GGA1: variants seen among roughly 807,000 people sequenced by gnomAD.
The protein encoded by GGA1 is ADP-ribosylation factor-binding protein GGA1.
In GGA1, 18 loss-of-function variants were observed where a neutral mutation model predicts 76.9. The observed-to-expected ratio is 0.23, with a 90% CI of 0.16 to 0.35. The LOEUF (loss-of-function observed/expected upper bound fraction) is 0.35. GGA1 is among the 10% of genes least tolerant of loss of function. The pLI is 1.00. For synonymous variants in GGA1, 342 were observed against 354.7 expected (o/e 0.96, Z 0.40); for missense variants, 755 against 859.0 (o/e 0.88, Z 1.51).
At chr22:37,619,581 T>C (rs1402503575) in intron 4 of GGA1, among the ~76,000 whole-genome samples, 1 of 152,056 alleles carries the variant, frequency 6.6e-6, no homozygotes, top group Non-Finnish European at 1.5e-5. Context: ...TTTCACCATA[T>C]TGGTCAGGCT....
intron 11 of GGA1, chr22:37,626,789 A>C (rs577638372): frequency 1.2e-4 from 18 of 152,344 alleles, no homozygotes; most frequent in African/African-American, 4.1e-4. Flanking sequence ...GGTGCCCACT[A>C]CTGCACTCTG....
At position 37,623,662 on chromosome 22, in the gene GGA1, G is replaced by T. The variant is rs1480926745; in HGVS notation, c.832+29G>T. 2.8e-6 allele frequency: 4 copies of T among 1,451,448 alleles called. No homozygotes were observed. The highest frequency in any genetic ancestry group is 2.4e-5 in the East Asian group (1 of 40,948). The allele number at this position is 1,451,448 out of a possible 1,614,324, so 89.9% of individuals were successfully genotyped here. A position where few individuals can be genotyped will look rare whatever the true frequency, so the allele number is the denominator to read the frequency against. On this transcript the variant is annotated intron_variant, in intron 9 of 16. Coordinates refer to ENST00000343632, the MANE Select transcript of GGA1 (RefSeq NM_013365.5). This position sits in a 1 kb window ranked among gnomAD's most constrained non-coding sequence, Gnocchi z 4.6. ...AGCCCAGGGCAGGTGCTGAGGTCAG[G>T]TCCCCCCCTCTCCCTCCACCTCCTG...
At chr22:37,617,615 C>A in intron 3 of GGA1, 1 of 846,366 alleles carries the variant, frequency 1.2e-6, no homozygotes. Flanking sequence ...AGGAGGCTTG[C>A]TTGAGGCAAG....
chr22:37,632,272 G>A lies in GGA1; in HGVS notation c.1698+107G>A, dbSNP rs921067362. ...GGGGCAGGTCTCCCTCCCTTGCTGG[G>A]TGGTTGGTGTAGAAGGGACCAGAAG... On this transcript the variant is annotated intron_variant, in intron 15 of 16. Coordinates refer to ENST00000343632, the MANE Select transcript of GGA1 (RefSeq NM_013365.5). The surrounding 1 kb of genome is among the most constrained non-coding windows in gnomAD (Gnocchi z 5.1). 1.7e-5 allele frequency: 23 copies of A among 1,333,088 alleles called. No individual in the cohort carries two copies. Among genetic ancestry groups the A allele is most frequent in the Non-Finnish European group, 2.4e-5 (23 of 943,720 alleles). 82.6% of individuals were successfully genotyped at this position (1,333,088 alleles called of 1,614,324 possible).
At position 37,620,191 on chromosome 22, in the gene GGA1, G is replaced by A. The variant is rs1360512622; in HGVS notation, c.304-47G>A. 5 of 1,609,398 alleles carry A rather than the reference G, an allele frequency of 3.1e-6. 1 individual carries two copies. The African/African-American group carries it at 4.0e-5, about 13-fold the overall frequency. On this transcript the variant is annotated intron_variant, in intron 4 of 16. Transcript: ENST00000343632. ...TGTGGACAGGGCTTGAGACTGAAGT[G>A]AGTGGGGCTGGGCAGTATCAAAGGC...
intron 1 of GGA1, 47 bp from the exon 2 acceptor site, chr22:37,614,143 A>G (rs890616322): frequency 6.3e-6 from 8 of 1,275,690 alleles, no homozygotes; most frequent in Admixed American, 3.4e-5. Context: ...GTGGAAGAGC[A>G]GGAATCCCAC....
intron 14 of GGA1, 29 bp downstream of exon 14, chr22:37,631,128 G>A: frequency 6.7e-7 from 1 of 1,495,756 alleles, no homozygotes; most frequent in South Asian, 1.3e-5. Flanking sequence ...GGTGCAGGCT[G>A]GGTTGGGTCA....
Position 37,623,533 on chromosome 22 carries a change from C to T in GGA1, c.751-19C>T. On this transcript the variant is annotated intron_variant, in intron 8 of 16. Coordinates refer to ENST00000343632, the MANE Select transcript of GGA1 (RefSeq NM_013365.5). The surrounding 1 kb of genome is among the most constrained non-coding windows in gnomAD (Gnocchi z 4.6). ...CACAGCCCACGCGGACCCTGACCCG[C>T]CCATCCTGCTGCCCTCAGGAACTGT... The T allele has an allele frequency of 6.2e-7, 1 of 1,612,878 alleles. No individual in the cohort carries two copies. The highest frequency in any genetic ancestry group is 1.1e-5 in the South Asian group (1 of 91,042).
chr22:37,625,829 C>T lies in GGA1; in HGVS notation c.973C>T (p.Leu325=). The part of the protein sequence containing the change: ...STSALLDLSG[L]DLPPAGTTYP... ...CTCGGCCCTGCTGGATCTCTCAGGCCTGGATCTCCCGCCTGCGGGCACCAC... is the reference window on the plus strand; with the variant it reads ...CTCGGCCCTGCTGGATCTCTCAGGCTTGGATCTCCCGCCTGCGGGCACCAC... Residue 325 remains leucine, a synonymous_variant, in exon 11 of 17, where the codon CTG becomes TTG. Coordinates refer to ENST00000343632, the MANE Select transcript of GGA1 (RefSeq NM_013365.5). This position sits in a 1 kb window ranked among gnomAD's most constrained non-coding sequence, Gnocchi z 4.1. 1 of 1,609,730 alleles carries T rather than the reference C, an allele frequency of 6.2e-7. No individual in the cohort carries two copies. The highest frequency in any genetic ancestry group is 1.7e-5 in the Admixed American group (1 of 59,812).
Position 37,631,071 on chromosome 22 carries a change from C to G in GGA1, c.1500C>G (p.Ile500Met). 1 of 1,602,816 alleles carries G rather than the reference C, an allele frequency of 6.2e-7. No homozygotes were observed. Residue 500 changes from isoleucine (I) to methionine (M), a missense_variant, in exon 14 of 17, where the codon ATC becomes ATG. Physicochemically the swap from Ile to Met is conservative, Grantham distance 10 (BLOSUM62 1). Coordinates refer to ENST00000343632, the MANE Select transcript of GGA1 (RefSeq NM_013365.5). ...CAACCGAGCTCTCACTGGCCAGCAT[C>G]ACTGTGCCCCTGGAGTCCATCAAAC... ...PVPTELSLAS[I>M]TVPLESIKPS... is the part of the protein sequence containing the mutation.
At chr22:37,616,393 T>C (rs1019784842) in intron 2 of GGA1, among the ~76,000 whole-genome samples, 8 of 152,166 alleles carry the variant, frequency 5.3e-5, no homozygotes, top group Non-Finnish European at 1.0e-4. Context: ...GTGAGCCTCC[T>C]CACACATGAC....
chr22:37,618,311 A>G (rs1929198375), intron 3 of GGA1, 137 bp from the exon 4 acceptor site: 1 of 611,306 alleles, frequency 1.6e-6, no homozygotes, highest in Non-Finnish European at 3.0e-6. Context: ...GTGACTCTGA[A>G]TCTTCCAACC....
rs369176168 is a variant in GGA1 at position 37,630,000 on chromosome 22, G to A, written c.1161G>A (p.Ser387=). Residue 387 remains serine (S), a splice_region_variant and synonymous_variant, in exon 13 of 17, where the codon TCG becomes TCA. Coordinates refer to ENST00000343632, the MANE Select transcript of GGA1 (RefSeq NM_013365.5). ...CACCTGCATCCTTTTCCCCACAGTCGTCGGATGCCACTGAGCCCCCAGCCC... is the reference window on the plus strand; with the variant it reads ...CACCTGCATCCTTTTCCCCACAGTCATCGGATGCCACTGAGCCCCCAGCCC... The part of the protein sequence containing the change: ...LDGTGWNSFQ[S]SDATEPPAPA... The A allele has an allele frequency of 9.8e-5, 152 of 1,550,416 alleles. No homozygotes were observed. Among genetic ancestry groups the A allele is most frequent in the Non-Finnish European group, 1.2e-4 (136 of 1,146,400 alleles).
intron 3 of GGA1, chr22:37,617,443 G>A (rs765176271): frequency 2.3e-5 from 24 of 1,025,342 alleles, no homozygotes; most frequent in Non-Finnish European, 2.0e-5. Context: ...GGAGAGAGGG[G>A]TGTACTGTCT....
At chr22:37,620,055 T>A (rs561280659) in intron 4 of GGA1, 183 bp from the exon 5 acceptor site, 4 of 667,498 alleles carry the variant, frequency 6.0e-6, no homozygotes, top group Non-Finnish European at 1.1e-5. Flanking sequence ...ACCCAGCTAA[T>A]AAGTGGCAGG....
intron 3 of GGA1, 106 bp downstream of exon 3, chr22:37,617,103 G>A: frequency 6.5e-7 from 1 of 1,540,352 alleles, no homozygotes; most frequent in Non-Finnish European, 8.7e-7. Context: ...GCCCAAGAGA[G>A]TTGTGCTAAG....
chr22:37,622,481 G>A (rs1263860226), intron 7 of GGA1, among the ~76,000 whole-genome samples: 2 of 151,056 alleles, frequency 1.3e-5, no homozygotes, highest in South Asian at 4.2e-4. Flanking sequence ...GCAGTGGCAC[G>A]ATCATGGCTC....
At position 37,615,633 on chromosome 22, in the gene GGA1, G is replaced by A. The variant is rs1032968712; in HGVS notation, c.129-1289G>A. ...GCAAAAATTAGCAAGGAGCGGTGGT[G>A]TGCGCCTGTAGTCCCAGCTACTCGG... is the stretch of plus-strand genomic sequence containing the variant. On this transcript the variant is annotated intron_variant, in intron 2 of 16. Transcript: ENST00000343632. 7.3e-5 allele frequency among the ~76,000 whole-genome samples: 11 copies of A among 150,554 alleles called. No individual in the cohort carries two copies. The East Asian group carries it at 1.2e-3, about 16-fold the overall frequency.
chr22:37,631,176 A>G, intron 14 of GGA1, 77 bp downstream of exon 14: 1 of 1,237,156 alleles, frequency 8.1e-7, no homozygotes, highest in Non-Finnish European at 1.1e-6. Context: ...TGGGGAAGCT[A>G]GTGGGAAAGC....
Sources: gnomAD v4.1 joint callset for allele counts (sites outside exome capture counted in the v4.1 genomes callset) on GRCh38, gnomAD v4.1.1 for gene constraint, Gnocchi (gnomAD v3.1) non-coding constraint, MANE v1.5 for transcripts, NCBI Gene and HGNC (gene_info 2026-07-23, HGNC 2026-07-21) for gene names.